The following PKHD1 variants were observed in gnomAD, a reference collection of about 807,000 sequenced individuals.
PKHD1 encodes PKHD1 ciliary IPT domain containing fibrocystin/polyductin.
Under a neutral mutation model 412.0 loss-of-function variants are expected in PKHD1, and 291 were observed. That is an observed-to-expected ratio of 0.71 (90% CI 0.64 to 0.78). The LOEUF is 0.78. PKHD1 is among the 30% of genes least tolerant of loss of function. The pLI is 0.00. For synonymous variants in PKHD1, 1,777 were observed against 1,821.5 expected, an observed-to-expected ratio of 0.98 and a Z score of 0.62; for missense variants, 4,825 against 4,950.7, an observed-to-expected ratio of 0.97 and a Z score of 0.76.
rs747061648 is a variant in PKHD1, at chr6:52,050,224, G to C, written c.2212C>G (p.Pro738Ala). Residue 738 changes from proline (P) to alanine (A), a missense_variant, in exon 22 of 67, where the codon CCT (proline) becomes GCT (alanine). Pro to Ala is a conservative substitution (Grantham distance 27). Coordinates refer to ENST00000371117, the MANE Select transcript of PKHD1 (RefSeq NM_138694.4). Reference sequence around the variant, plus strand: ...CAGGAGGTGACACTGTAGACCGGAGGGGATCCCACCACAGAGACTGATTCC... The same window carrying C: ...CAGGAGGTGACACTGTAGACCGGAGCGGATCCCACCACAGAGACTGATTCC... ...LVESVSVVGS[P>A]PVYSVTSWLA... The C allele has an allele frequency of 2.5e-6, 4 of 1,614,058 alleles. No individual in the cohort carries two copies. In the African/African-American group the frequency reaches 4.0e-5, roughly 16 times the overall value.
chr6:51,956,414 A>G (rs1791149511), intron 36 of PKHD1, among the ~76,000 whole-genome samples: 1 of 151,954 alleles, frequency 6.6e-6, no homozygotes, highest in Admixed American at 6.6e-5. Context: ...TAAAATATAC[A>G]CTTCTTAAAT....
intron 35 of PKHD1, among the ~76,000 whole-genome samples, chr6:51,989,945 A>AGGGAGGGAGGGAGGAGGGAGGGAGGG (rs1796787634): frequency 8.2e-5 from 3 of 36,808 alleles, no homozygotes; most frequent in Non-Finnish European, 1.2e-4. Flanking sequence ...AGAAGGAAGG[A>AGGGAGGGAGGGAGGAGGGAGGGAGGG]AGAAAGGAAG....
chr6:51,869,851 T>C lies in PKHD1; in HGVS notation c.7486+653A>G, dbSNP rs566795632. Among the ~76,000 whole-genome samples the C allele has an allele frequency of 7.1e-4, 108 of 152,240 alleles. 1 individual carries two copies. The highest frequency in any genetic ancestry group is 2.5e-3 in the African/African-American group (103 of 41,554). On this transcript the variant is annotated intron_variant, in intron 47 of 66. Coordinates refer to ENST00000371117, the MANE Select transcript of PKHD1 (RefSeq NM_138694.4). ...TTAAAAAAACAAACAATTATCTAAA[T>C]TGGTGATTCAAACCACAAGAGCATA...
intron 63 of PKHD1, among the ~76,000 whole-genome samples, chr6:51,646,282 G>GAA (rs1277947524): frequency 1.3e-5 from 2 of 152,186 alleles, no homozygotes; most frequent in African/African-American, 4.8e-5. Context: ...AGCAGAGGAA[G>GAA]AATTTCAAGG....
intron 52 of PKHD1, among the ~76,000 whole-genome samples, chr6:51,801,631 T>C (rs973593079): frequency 1.8e-4 from 8 of 44,302 alleles, no homozygotes; most frequent in African/African-American, 4.9e-4. Flanking sequence ...AACCATCTGC[T>C]GGCCTGATTG....
intron 35 of PKHD1, among the ~76,000 whole-genome samples, chr6:51,981,862 T>C: frequency 9.4e-6 from 1 of 105,976 alleles, no homozygotes; most frequent in African/African-American, 2.7e-5. Flanking sequence ...CCATCCCATC[T>C]AGGAAGCGAG....
At chr6:51,771,616 CAAA>C (rs556888100) in intron 55 of PKHD1, among the ~76,000 whole-genome samples, 1 of 127,598 alleles carries the variant, frequency 7.8e-6, no homozygotes, top group Non-Finnish European at 1.7e-5. Flanking sequence ...GAGACTGTGT[CAAA>C]AAAAAAAAAA....
chr6:51,699,920 A>AGTGTGTGTGTGT (rs148337538), intron 60 of PKHD1, among the ~76,000 whole-genome samples: 2,251 of 137,822 alleles, frequency 0.016, 58 homozygotes, highest in African/African-American at 0.048. Flanking sequence ...ATATATATGG[A>AGTGTGTGTGTGT]GTGTGTGTGT....
chr6:51,907,115 C>T (rs1782223155), intron 40 of PKHD1, among the ~76,000 whole-genome samples: 1 of 152,036 alleles, frequency 6.6e-6, no homozygotes. Context: ...TATTTGCATT[C>T]TGATGGAGGA....
intron 16 of PKHD1, among the ~76,000 whole-genome samples, chr6:52,057,615 T>C (rs950685963): frequency 7.2e-5 from 11 of 152,126 alleles, no homozygotes; most frequent in African/African-American, 2.7e-4. Context: ...TGGGGTTTCA[T>C]CATGTTGGCC....
At chr6:51,832,971 T>C (rs1768529934) in intron 51 of PKHD1, among the ~76,000 whole-genome samples, 1 of 152,162 alleles carries the variant, frequency 6.6e-6, no homozygotes, top group Admixed American at 6.6e-5. Context: ...GCTTTATAAA[T>C]ATTTCATAAA....
intron 15 of PKHD1, among the ~76,000 whole-genome samples, chr6:52,059,253 C>CTTTTTTTTTTTT (rs1282772885): frequency 1.0e-5 from 1 of 98,276 alleles, no homozygotes; most frequent in African/African-American, 3.8e-5. Flanking sequence ...TTTTCTTTTT[C>CTTTTTTTTTTTT]TTTTTCTTTT....
Position 52,025,349 on chromosome 6 carries a change from G to T in PKHD1, c.4461C>A (p.Val1487=). The change falls in exon 32 of 67, where the codon GTC becomes GTA. Residue 1487 remains valine, a synonymous_variant. Coordinates refer to ENST00000371117, the MANE Select transcript of PKHD1 (RefSeq NM_138694.4). The part of the protein sequence containing the change: ...TLFIREEASP[V]MDALSTNTSG... ...TGGTGTTTGTGGACAAGGCATCCAT[G>T]ACAGGACTTGCCTCTTCCCTTATGA... 6.2e-7 allele frequency: 1 copy of T among 1,614,012 alleles called. No homozygotes were observed.
Position 51,967,663 on chromosome 6 carries a change from T to G in PKHD1, c.5752-7637A>C, listed in dbSNP as rs576046003. On this transcript the variant is annotated intron_variant, in intron 35 of 66. Coordinates refer to ENST00000371117, the MANE Select transcript of PKHD1 (RefSeq NM_138694.4). ...TTGTGTGTGTGTGTGTATGTGTGTG[T>G]GTGTGTGTGTGTGTATGCCACTCAC... Among the ~76,000 whole-genome samples the G allele has an allele frequency of 7.8e-4, 119 of 152,104 alleles. 1 individual carries two copies. The highest frequency in any genetic ancestry group is 2.7e-3 in the African/African-American group (113 of 41,526).
At chr6:51,782,365 A>C (rs1304283144) in intron 53 of PKHD1, among the ~76,000 whole-genome samples, 1 of 152,186 alleles carries the variant, frequency 6.6e-6, no homozygotes, top group African/African-American at 2.4e-5. Context: ...TATTCTTAAT[A>C]TCATTTTGAA....
chr6:52,046,222 A>G, intron 23 of PKHD1, 34 bp from the exon 24 acceptor site: 2 of 1,463,116 alleles, frequency 1.4e-6, no homozygotes, highest in Non-Finnish European at 1.9e-6. Context: ...GAAAACACAG[A>G]CACTAATTAA....
At chr6:51,755,434 A>G (rs1786819632) in intron 55 of PKHD1, among the ~76,000 whole-genome samples, 1 of 152,148 alleles carries the variant, frequency 6.6e-6, no homozygotes, top group Admixed American at 6.6e-5. Context: ...TAGAGGTGTC[A>G]CTTACCAGCT....
At chr6:51,908,511 G>A (rs1782478702) in intron 40 of PKHD1, among the ~76,000 whole-genome samples, 1 of 152,140 alleles carries the variant, frequency 6.6e-6, no homozygotes, top group South Asian at 2.1e-4. Flanking sequence ...CTGTCCTCCT[G>A]ACTTGGCATC....
chr6:51,888,953 C>T (rs138219053), intron 43 of PKHD1, among the ~76,000 whole-genome samples: 1 of 151,548 alleles, frequency 6.6e-6, no homozygotes, highest in Non-Finnish European at 1.5e-5. Flanking sequence ...AGACTACTTC[C>T]TATGTGCCCA....
Sources: allele counts gnomAD v4.1 joint callset (sites outside exome capture counted in the v4.1 genomes callset), GRCh38; gene constraint gnomAD v4.1.1; transcripts MANE v1.5; gene names NCBI Gene and HGNC (gene_info 2026-07-23, HGNC 2026-07-21).